Variants in PITPNB observed in about 807,000 individuals in gnomAD.
PITPNB encodes the protein phosphatidylinositol transfer protein beta isoform.
In PITPNB, 16 loss-of-function variants were observed where a neutral mutation model predicts 45.9. That is an observed-to-expected ratio of 0.35 (90% CI 0.24 to 0.53). The LOEUF is 0.53. Among genes scored for constraint, PITPNB ranks in the 20% least tolerant of loss-of-function variants. PITPNB has a pLI of 0.93. For synonymous variants in PITPNB, 112 were observed against 108.9 expected (o/e 1.03, Z -0.18); for missense variants, 188 against 330.5 (o/e 0.57, Z 3.34).
chr22:27,881,682 TAG>T (rs1296745712), intron 7 of PITPNB, among the ~76,000 whole-genome samples: 3 of 152,184 alleles, frequency 2.0e-5, no homozygotes, highest in African/African-American at 7.2e-5. Context: ...AAGCCCTTCT[TAG>T]GAAATAAGCA....
At chr22:27,893,287 CTTTT>C (rs33997388) in intron 7 of PITPNB, among the ~76,000 whole-genome samples, 1 of 141,358 alleles carries the variant, frequency 7.1e-6, no homozygotes. Context: ...CTGTTTTTTC[CTTTT>C]TTTTTTTTTT....
At chr22:27,862,562 A>T (rs1045140248) in intron 8 of PITPNB, among the ~76,000 whole-genome samples, 3 of 150,152 alleles carry the variant, frequency 2.0e-5, no homozygotes, top group African/African-American at 7.6e-5. Context: ...GAGCTCTGTT[A>T]ACAAAATATC....
At chr22:27,881,496 T>C (rs1934971276) in intron 7 of PITPNB, among the ~76,000 whole-genome samples, 4 of 152,180 alleles carry the variant, frequency 2.6e-5, no homozygotes, top group Admixed American at 2.6e-4. Context: ...AAAGACATGG[T>C]ACTCTACTGA....
chr22:27,872,713 C>CTGGCTTCA, intron 8 of PITPNB, among the ~76,000 whole-genome samples: 1 of 152,260 alleles, frequency 6.6e-6, no homozygotes, highest in East Asian at 1.9e-4. Flanking sequence ...TGACCTGTAA[C>CTGGCTTCA]TGGCTTCAGC....
intron 9 of PITPNB, 90 bp downstream of exon 9, chr22:27,860,040 GA>G (rs751421118): frequency 3.6e-5 from 26 of 721,066 alleles, no homozygotes; most frequent in Non-Finnish European, 5.6e-5. Context: ...CATAAAGGAG[GA>G]AAAAAAGTAA....
intron 3 of PITPNB, among the ~76,000 whole-genome samples, chr22:27,898,280 T>G (rs1366018612): frequency 6.6e-6 from 1 of 151,850 alleles, no homozygotes; most frequent in Non-Finnish European, 1.5e-5. Context: ...GAGGCTCAGG[T>G]GGGAGGATCA....
intron 10 of PITPNB, among the ~76,000 whole-genome samples, chr22:27,855,184 A>G (rs1934136233): frequency 6.6e-6 from 1 of 152,216 alleles, no homozygotes; most frequent in South Asian, 2.1e-4. Context: ...GCAGACTGAT[A>G]AAAAATTATC....
intron 10 of PITPNB, among the ~76,000 whole-genome samples, chr22:27,856,416 C>T (rs772580965): frequency 6.4e-4 from 97 of 152,318 alleles, no homozygotes; most frequent in Middle Eastern, 3.4e-3. Context: ...AGCTCCACAG[C>T]GGAGGGTCAC....
chr22:27,901,856 C>T (rs1283993352), intron 3 of PITPNB, among the ~76,000 whole-genome samples: 1 of 151,982 alleles, frequency 6.6e-6, no homozygotes, highest in African/African-American at 2.4e-5. Context: ...TGTACTTCAG[C>T]CTGGGGACAC....
rs1448299362 is a variant in PITPNB, at chr22:27,896,458, C to G, written c.372+94G>C. On this transcript the variant is annotated intron_variant, in intron 6 of 11. Transcript: ENST00000335272. ...ACACAGCTTGGTGCGGTCAGATACA[C>G]AGGTGACATTACTTTGATGATGACA... The G allele has an allele frequency of 3.5e-6, 3 of 849,732 alleles. No individual in the cohort carries two copies. The Admixed American group carries it at 5.8e-5, about 17-fold the overall frequency. The allele number at this position is 849,732 out of a possible 1,614,324, so 52.6% of individuals were successfully genotyped here.
chr22:27,876,989 C>T (rs571811427), intron 7 of PITPNB, among the ~76,000 whole-genome samples: 1 of 152,316 alleles, frequency 6.6e-6, no homozygotes, highest in South Asian at 2.1e-4. Flanking sequence ...GTGAAGACAG[C>T]TGTAGCCTAC....
In PITPNB at chr22:27,919,247, C is replaced by G; in HGVS notation, c.-56G>C. On this transcript the variant is annotated 5_prime_UTR_variant, in exon 1 of 12. Coordinates refer to ENST00000335272, the MANE Select transcript of PITPNB (RefSeq NM_012399.5). The stretch of plus-strand genomic sequence containing the variant: ...ATACCACCGCCGCCGCCGCCGCTAC[C>G]GCCTCTCACAGCGCCTGCGCGGCCC... The G allele has an allele frequency of 3.3e-6, 5 of 1,504,338 alleles. No homozygotes were observed. The South Asian group carries it at 4.5e-5, about 14-fold the overall frequency. 93.2% of individuals were successfully genotyped at this position (1,504,338 alleles called of 1,614,324 possible).
chr22:27,871,141 T>A (rs1048299037), intron 8 of PITPNB, among the ~76,000 whole-genome samples: 1 of 152,256 alleles, frequency 6.6e-6, no homozygotes, highest in African/African-American at 2.4e-5. Flanking sequence ...AGAATTTCAA[T>A]CATTAGTCAA....
At chr22:27,897,101 G>T in intron 5 of PITPNB, 29 bp downstream of exon 5, 1 of 1,480,178 alleles carries the variant, frequency 6.8e-7, no homozygotes, top group Non-Finnish European at 9.5e-7. Context: ...GATAAAGAAA[G>T]TATGAGACAC....
chr22:27,891,296 T>G (rs1037108302), intron 7 of PITPNB, among the ~76,000 whole-genome samples: 1 of 152,210 alleles, frequency 6.6e-6, no homozygotes, highest in African/African-American at 2.4e-5. Context: ...TAAAATAAAT[T>G]TATATCTTAC....
intron 7 of PITPNB, among the ~76,000 whole-genome samples, chr22:27,884,537 G>A (rs1935062482): frequency 6.6e-6 from 1 of 152,152 alleles, no homozygotes; most frequent in Non-Finnish European, 1.5e-5. Context: ...TTTCTAGCTT[G>A]TGTCTCTTCC....
chr22:27,884,693 G>A lies in PITPNB; in HGVS notation c.456+9862C>T, dbSNP rs377325123. Among the ~76,000 whole-genome samples, 24 of 152,232 alleles carry A rather than the reference G, an allele frequency of 1.6e-4. No homozygotes were observed. The East Asian group carries it at 1.7e-3, about 11-fold the overall frequency. ...ATTACACTCAAACATGCTGAAAGAC[G>A]AGGGGAAAAATTTCATTCTCTCTTT... On this transcript the variant is annotated intron_variant, in intron 7 of 11. Coordinates refer to ENST00000335272, the MANE Select transcript of PITPNB (RefSeq NM_012399.5).
At chr22:27,903,297 C>T (rs1323944525) in intron 3 of PITPNB, among the ~76,000 whole-genome samples, 1 of 151,750 alleles carries the variant, frequency 6.6e-6, no homozygotes, top group Non-Finnish European at 1.5e-5. Context: ...TGGAGAAACC[C>T]CGTCTCTACT....
intron 11 of PITPNB, among the ~76,000 whole-genome samples, chr22:27,853,969 GTGTT>G (rs1296514770): frequency 1.3e-5 from 2 of 151,308 alleles, no homozygotes; most frequent in Non-Finnish European, 2.9e-5. Flanking sequence ...GAATTTAAAA[GTGTT>G]TGGGGGGAAT....
Sources: allele counts gnomAD v4.1 joint callset (sites outside exome capture counted in the v4.1 genomes callset), GRCh38; gene constraint gnomAD v4.1.1; transcripts MANE v1.5; gene names NCBI Gene and HGNC (gene_info 2026-07-23, HGNC 2026-07-21).